DMD: variants seen among roughly 807,000 people sequenced by gnomAD.
The protein encoded by DMD is mutant dystrophin.
A neutral mutation model predicts 330.1 loss-of-function variants in DMD; 63 were observed. The observed-to-expected ratio is 0.19, with a 90% CI of 0.16 to 0.24. The LOEUF (loss-of-function observed/expected upper bound fraction) is 0.24. Among genes scored for constraint, DMD ranks in the 10% least tolerant of loss-of-function variants. The pLI is 1.00. For synonymous variants in DMD, 1,223 were observed against 959.8 expected (o/e 1.27, Z -5.07); for missense variants, 3,344 against 2,684.1 (o/e 1.25, Z -5.43).
chrX:32,702,273 A>G (rs943448463), intron 7 of DMD, among the ~76,000 whole-genome samples: 1 of 112,221 alleles, frequency 8.9e-6, no homozygotes, highest in Non-Finnish European at 1.9e-5. Flanking sequence ...TCAGATTTTT[A>G]AAATCATATA....
chrX:33,009,351 C>CAT (rs771089807), intron 2 of DMD, among the ~76,000 whole-genome samples: 791 of 25,073 alleles, frequency 0.032, 285 homozygotes, highest in African/African-American at 0.059. Context: ...TGTATATACA[C>CAT]ATGTGTGTAT....
chrX:31,911,895 C>T (rs1413191597), intron 47 of DMD, among the ~76,000 whole-genome samples: 1 of 111,174 alleles, frequency 9.0e-6, no homozygotes, highest in Non-Finnish European at 1.9e-5. Context: ...ATTGGAAAGG[C>T]GAAAAAACTC....
intron 50 of DMD, among the ~76,000 whole-genome samples, chrX:31,810,329 C>T (rs2149384449): frequency 9.0e-6 from 1 of 111,157 alleles, no homozygotes; most frequent in Non-Finnish European, 1.9e-5. Flanking sequence ...ACCATGGGGA[C>T]TCATCTGATT....
intron 33 of DMD, among the ~76,000 whole-genome samples, chrX:32,382,987 G>A (rs1355241234): frequency 1.8e-5 from 2 of 110,924 alleles, no homozygotes; most frequent in South Asian, 3.7e-4. Context: ...ATTGTTTCAC[G>A]AAGTTAACAA....
At chrX:32,829,718 T>TA (rs924972472) in intron 4 of DMD, among the ~76,000 whole-genome samples, 2 of 112,049 alleles carry the variant, frequency 1.8e-5, no homozygotes, top group African/African-American at 6.5e-5. Flanking sequence ...TCACTATGCC[T>TA]ACATCATTAG....
At chrX:32,633,448 A>G (rs2058879204) in intron 11 of DMD, among the ~76,000 whole-genome samples, 1 of 112,024 alleles carries the variant, frequency 8.9e-6, no homozygotes, top group Admixed American at 9.5e-5. Context: ...TCATTTAACC[A>G]GTCTCTAAGA....
chrX:32,522,424 G>A (rs893109834), intron 17 of DMD, among the ~76,000 whole-genome samples: 1 of 111,212 alleles, frequency 9.0e-6, no homozygotes, highest in Non-Finnish European at 1.9e-5. Context: ...TAACATATCC[G>A]TATAATTTGT....
chrX:32,712,709 T>C (rs990947049), intron 7 of DMD, among the ~76,000 whole-genome samples: 9 of 111,635 alleles, frequency 8.1e-5, no homozygotes, highest in Non-Finnish European at 1.7e-4. Flanking sequence ...ACTGAGGTTA[T>C]TGATTTTTTA....
chrX:32,856,120 C>A (rs923051958), intron 2 of DMD, among the ~76,000 whole-genome samples: 1 of 111,994 alleles, frequency 8.9e-6, no homozygotes, highest in African/African-American at 3.2e-5. Context: ...TATCATCTCA[C>A]CCCAGTTAAA....
chrX:31,580,587 C>T (rs2076295744), intron 55 of DMD, among the ~76,000 whole-genome samples: 1 of 111,975 alleles, frequency 8.9e-6, no homozygotes, highest in Admixed American at 9.5e-5. Flanking sequence ...TGGTAATGGA[C>T]TGATATACTA....
chrX:32,849,353 T>C (rs948651649), intron 3 of DMD, among the ~76,000 whole-genome samples: 3 of 111,773 alleles, frequency 2.7e-5, no homozygotes, highest in Non-Finnish European at 5.6e-5. Flanking sequence ...CTGTACCTTA[T>C]TTTGCTATCC....
chrX:31,598,667 C>G (rs1002766384), intron 55 of DMD, among the ~76,000 whole-genome samples: 1 of 111,706 alleles, frequency 9.0e-6, no homozygotes, highest in Non-Finnish European at 1.9e-5. Flanking sequence ...GATATCGGTA[C>G]TAAACAAATT....
In DMD at chrX:32,345,958, T is replaced by G. The variant is rs764236140; in HGVS notation, c.5571A>C (p.Lys1857Asn). The G allele has an allele frequency of 4.1e-6, 5 of 1,209,553 alleles. No individual in the cohort carries two copies. The Admixed American group carries it at 1.1e-4, about 26-fold the overall frequency. The change falls in exon 39 of 79, where the codon AAA (lysine) becomes AAC (asparagine). Residue 1857 changes from lysine (K) to asparagine (N), a missense_variant. Transcript: ENST00000357033. ...IKIKQQLLQT[K>N]HNALKDLRSQ... is the part of the protein sequence containing the mutation. The stretch of plus-strand genomic sequence containing the variant: ...GCTCTAATACCTTGAGAGCATTATG[T>G]TTTGTCTGTAACAGCTGCTGTTTTA...
At chrX:31,720,578 T>G (rs2085392708) in intron 52 of DMD, among the ~76,000 whole-genome samples, 1 of 111,896 alleles carries the variant, frequency 8.9e-6, no homozygotes, top group Non-Finnish European at 1.9e-5. Context: ...AGTATAAAAT[T>G]CTTTAATATA....
At chrX:32,238,591 C>A (rs139295219) in intron 43 of DMD, among the ~76,000 whole-genome samples, 1,236 of 111,820 alleles carry the variant, frequency 0.011, 15 homozygotes, top group African/African-American at 0.038. Context: ...TGAATCTAGT[C>A]CACACTCAAT....
chrX:32,866,623 A>G (rs1345604341), intron 2 of DMD, among the ~76,000 whole-genome samples: 6 of 109,039 alleles, frequency 5.5e-5, no homozygotes, highest in Non-Finnish European at 3.8e-5. Flanking sequence ...CTCCAATGCA[A>G]TCTTGCAAAA....
chrX:32,424,055 G>C (rs1392959835), intron 29 of DMD, among the ~76,000 whole-genome samples: 1 of 110,994 alleles, frequency 9.0e-6, no homozygotes. Flanking sequence ...TATTACACAA[G>C]TGGGTTTCTT....
chrX:31,417,607 C>T (rs1041966290), intron 60 of DMD, among the ~76,000 whole-genome samples: 7 of 111,029 alleles, frequency 6.3e-5, no homozygotes, highest in South Asian at 7.5e-4. Flanking sequence ...TTAAGAAATA[C>T]GTAAATAATA....
chrX:32,485,392 T>C (rs182195008), intron 20 of DMD, among the ~76,000 whole-genome samples: 32 of 111,011 alleles, frequency 2.9e-4, no homozygotes, highest in African/African-American at 1.0e-3. Flanking sequence ...ATACTATGCA[T>C]GACCTTAAAT....
Sources: allele counts gnomAD v4.1 joint callset (sites outside exome capture counted in the v4.1 genomes callset), GRCh38; gene constraint gnomAD v4.1.1; transcripts MANE v1.5; gene names NCBI Gene and HGNC (gene_info 2026-07-23, HGNC 2026-07-21).